CNBD1: variants seen among roughly 807,000 people sequenced by gnomAD.
CNBD1 encodes cyclic nucleotide binding domain containing 1.
In CNBD1, 71 loss-of-function variants were observed where a neutral mutation model predicts 54.4. That is an observed-to-expected ratio of 1.30 (90% CI 1.08 to 1.59). The LOEUF (loss-of-function observed/expected upper bound fraction) is 1.59, where lower values mean the gene tolerates loss of function less well. Ranked by LOEUF, CNBD1 falls within the 40% of genes most tolerant of loss-of-function variation. The pLI, the probability that CNBD1 is intolerant of heterozygous loss-of-function variation, is 0.00. For missense variants in CNBD1, 659 were observed against 518.0 expected (o/e 1.27, Z -2.64); for synonymous variants, 182 against 170.7 (o/e 1.07, Z -0.51).
At chr8:86,881,796 A>G (rs1808609894) in intron 1 of CNBD1, among the ~76,000 whole-genome samples, 1 of 152,188 alleles carries the variant, frequency 6.6e-6, no homozygotes, top group South Asian at 2.1e-4. Flanking sequence ...CCAAAACAGC[A>G]TGGTACCAGT....
chr8:87,253,551 G>T (rs571648935), intron 6 of CNBD1, among the ~76,000 whole-genome samples: 1 of 152,266 alleles, frequency 6.6e-6, no homozygotes, highest in Non-Finnish European at 1.5e-5. Flanking sequence ...ACCTTAATAG[G>T]TAGTTTCTTC....
In CNBD1 at chr8:87,315,841, T is replaced by G. The variant is rs1015617936; in HGVS notation, c.1042+29170T>G. On this transcript the variant is annotated intron_variant, in intron 8 of 10. Coordinates refer to ENST00000518476, the MANE Select transcript of CNBD1 (RefSeq NM_173538.3). ...AATTTATTGTATATTTTAAAGTAGG[T>G]AGCAGAGAAGATTTGGAATGTTCCA... 2.0e-5 allele frequency among the ~76,000 whole-genome samples: 3 copies of G among 152,146 alleles called. No homozygotes were observed. The East Asian group carries it at 5.8e-4, about 29-fold the overall frequency.
intron 3 of CNBD1, among the ~76,000 whole-genome samples, chr8:86,925,765 G>A (rs1307631023): frequency 1.3e-5 from 2 of 149,746 alleles, no homozygotes; most frequent in African/African-American, 4.9e-5. Context: ...GCCAGGTGTG[G>A]TAGAGGGCAC....
At chr8:87,320,609 CGT>C (rs745720471) in intron 8 of CNBD1, among the ~76,000 whole-genome samples, 13 of 130,626 alleles carry the variant, frequency 1.0e-4, no homozygotes, top group Non-Finnish European at 1.9e-4. Flanking sequence ...TGTATGTGCA[CGT>C]GTGTGTGTGG....
intron 6 of CNBD1, among the ~76,000 whole-genome samples, chr8:87,266,038 A>G (rs1019831243): frequency 2.0e-5 from 3 of 152,120 alleles, no homozygotes; most frequent in African/African-American, 4.8e-5. Context: ...ACTGTAAGCC[A>G]GTACTTTTGG....
intron 4 of CNBD1, among the ~76,000 whole-genome samples, chr8:87,127,082 A>G (rs1375168955): frequency 6.6e-6 from 1 of 151,866 alleles, no homozygotes; most frequent in South Asian, 2.1e-4. Context: ...CTTTATAATA[A>G]ATAAGTAATG....
At chr8:86,926,773 G>A (rs1809368178) in intron 3 of CNBD1, among the ~76,000 whole-genome samples, 2 of 152,180 alleles carry the variant, frequency 1.3e-5, no homozygotes, top group Admixed American at 1.3e-4. Flanking sequence ...GCAGAGTAAG[G>A]ACAGACCCTG....
chr8:87,410,505 C>T (rs181584485), intron 2 of CNBD1, among the ~76,000 whole-genome samples: 16 of 152,220 alleles, frequency 1.1e-4, no homozygotes, highest in Non-Finnish European at 1.6e-4. Context: ...GGTGATGCTT[C>T]TTATAAATAA....
rs544043677 is a variant in CNBD1 at position 87,165,789 on chromosome 8, TA to T, written c.432-40203del. Among the ~76,000 whole-genome samples, 407 of 152,124 alleles carry T rather than the reference TA, an allele frequency of 2.7e-3. 1 individual carries two copies. Among genetic ancestry groups the T allele is most frequent in the African/African-American group, 9.5e-3 (393 of 41,510 alleles). ...TCACTAAATTCTGTCTAAACTTTTTTATTTTTTTGCATTACCACTTGGTTTT... is the reference window on the plus strand; with the variant it reads ...TCACTAAATTCTGTCTAAACTTTTTTTTTTTTTGCATTACCACTTGGTTTT... On this transcript the variant is annotated intron_variant, in intron 4 of 10. Coordinates refer to ENST00000518476, the MANE Select transcript of CNBD1 (RefSeq NM_173538.3).
At chr8:86,915,478 G>A (rs1809169464) in intron 3 of CNBD1, among the ~76,000 whole-genome samples, 1 of 152,120 alleles carries the variant, frequency 6.6e-6, no homozygotes, top group Admixed American at 6.6e-5. Flanking sequence ...TGAGTTTTGG[G>A]GAAGGGCTAT....
At chr8:87,343,068 G>T (rs1325103221) in intron 8 of CNBD1, among the ~76,000 whole-genome samples, 2 of 151,996 alleles carry the variant, frequency 1.3e-5, no homozygotes, top group Non-Finnish European at 2.9e-5. Flanking sequence ...CCTTCCCCAG[G>T]GTTATTCCTT....
chr8:86,967,203 A>C (rs1808101113), intron 4 of CNBD1, among the ~76,000 whole-genome samples: 1 of 152,296 alleles, frequency 6.6e-6, no homozygotes, highest in South Asian at 2.1e-4. Flanking sequence ...TGGGGCTTCC[A>C]AGGGTATAAG....
intron 4 of CNBD1, among the ~76,000 whole-genome samples, chr8:87,174,249 C>G (rs867626313): frequency 1.3e-5 from 2 of 152,054 alleles, no homozygotes; most frequent in African/African-American, 4.8e-5. Context: ...TGAGCCACCA[C>G]GCCTGGCCTC....
intron 2 of CNBD1, among the ~76,000 whole-genome samples, chr8:87,425,908 C>T (rs554454141): frequency 0.015 from 2,277 of 152,212 alleles, 58 homozygotes; most frequent in African/African-American, 0.049. Flanking sequence ...GCGGGCGCCC[C>T]TCCCCCAGCC....
At chr8:87,136,062 T>C (rs2943181) in intron 4 of CNBD1, among the ~76,000 whole-genome samples, 151,276 of 152,160 alleles carry the variant, frequency 0.99, 75,201 homozygotes, top group East Asian at 1. Context: ...GGTTTTATCC[T>C]TCACTTAAAA....
downstream of CNBD1, chr8:87,383,008 G>A (rs184070249): frequency 1.2e-5 from 2 of 164,678 alleles, no homozygotes; most frequent in Admixed American, 1.3e-4. Context: ...GACTGTCAGG[G>A]TTTGGATTGA....
chr8:87,345,849 C>G (rs1810164117), intron 8 of CNBD1, among the ~76,000 whole-genome samples: 1 of 151,928 alleles, frequency 6.6e-6, no homozygotes, highest in African/African-American at 2.4e-5. Flanking sequence ...CTGTTGACTA[C>G]TGAAAATAAA....
chr8:87,359,003 T>C (rs1586044327), intron 10 of CNBD1, among the ~76,000 whole-genome samples: 1 of 152,282 alleles, frequency 6.6e-6, no homozygotes, highest in Admixed American at 6.5e-5. Context: ...CTGATTCAAA[T>C]GCTAATCTCT....
rs551692335 is a variant in CNBD1 at position 87,425,700 on chromosome 8, G to C, written c.214-2846G>C. Among the ~76,000 whole-genome samples the C allele has an allele frequency of 5.2e-4, 79 of 152,086 alleles. 1 individual carries two copies. The highest frequency in any genetic ancestry group is 1.6e-3 in the African/African-American group (66 of 41,476). On this transcript the variant is annotated intron_variant, in intron 2 of 7. Coordinates refer to the CNBD1 transcript ENST00000521593. Reference sequence around the variant, plus strand: ...TTCTCAGATCTCCAGCTGCGTGCTGGGAGAACCACTGCTCTCTTCAAAGCT... The same window carrying C: ...TTCTCAGATCTCCAGCTGCGTGCTGCGAGAACCACTGCTCTCTTCAAAGCT...
Sources: allele counts gnomAD v4.1 joint callset (sites outside exome capture counted in the v4.1 genomes callset), GRCh38; gene constraint gnomAD v4.1.1; transcripts MANE v1.5; gene names NCBI Gene and HGNC (gene_info 2026-07-23, HGNC 2026-07-21).